BICD1: variants seen among roughly 807,000 people sequenced by gnomAD.
BICD1 encodes protein bicaudal D homolog 1.
A neutral mutation model predicts 92.5 loss-of-function variants in BICD1; 35 were observed. The observed-to-expected ratio is 0.38, with a 90% CI of 0.29 to 0.50. BICD1 has a LOEUF of 0.50. Ranked by LOEUF, BICD1 falls within the 20% of genes least tolerant of loss-of-function variation. BICD1 has a pLI of 0.93. For synonymous variants in BICD1, 429 were observed against 465.1 expected, an observed-to-expected ratio of 0.92 and a Z score of 1.00; for missense variants, 950 against 1,189.8, an observed-to-expected ratio of 0.80 and a Z score of 2.97.
At chr12:32,152,318 A>G (rs60310363) in intron 1 of BICD1, among the ~76,000 whole-genome samples, 2 of 150,946 alleles carry the variant, frequency 1.3e-5, no homozygotes, top group South Asian at 4.2e-4. Context: ...GCATGATCAT[A>G]GCTCACTTTA....
chr12:32,317,338 T>G (rs1948531781), intron 4 of BICD1, among the ~76,000 whole-genome samples: 1 of 152,226 alleles, frequency 6.6e-6, no homozygotes, highest in African/African-American at 2.4e-5. Flanking sequence ...GTAAAAGTGT[T>G]CCTATTTCTC....
At chr12:32,302,125 A>C (rs1948068955) in intron 3 of BICD1, among the ~76,000 whole-genome samples, 1 of 152,088 alleles carries the variant, frequency 6.6e-6, no homozygotes, top group Non-Finnish European at 1.5e-5. Context: ...TGACCTCGTG[A>C]TCCGCCCGCC....
At chr12:32,252,050 AATATTAT>A (rs1160264612) in intron 2 of BICD1, among the ~76,000 whole-genome samples, 90 of 82,458 alleles carry the variant, frequency 1.1e-3, no homozygotes, top group African/African-American at 2.6e-3. Flanking sequence ...ATTTATAATA[AATATTAT>A]ATATTATATA....
At chr12:32,244,128 T>A (rs1946310367) in intron 2 of BICD1, among the ~76,000 whole-genome samples, 1 of 149,754 alleles carries the variant, frequency 6.7e-6, no homozygotes, top group South Asian at 2.1e-4. Context: ...TTTTCTGAAA[T>A]GAAATATGGA....
chr12:32,161,770 T>C (rs911666086), intron 1 of BICD1, among the ~76,000 whole-genome samples: 4 of 152,188 alleles, frequency 2.6e-5, no homozygotes, highest in African/African-American at 9.7e-5. Context: ...CAGGGAAGTA[T>C]ATATTTTACT....
Position 32,132,523 on chromosome 12 carries a change from G to C in BICD1, c.213+24979G>C, listed in dbSNP as rs188718565. On this transcript the variant is annotated intron_variant, in intron 1 of 9. Coordinates refer to ENST00000652176, the MANE Select transcript of BICD1 (RefSeq NM_001714.4). Reference sequence around the variant, plus strand: ...CCTTTGCGGCTCGGAACTGTGCTGTGCACTGTGGGACTGTGTGGCTCAATG... The same window carrying C: ...CCTTTGCGGCTCGGAACTGTGCTGTCCACTGTGGGACTGTGTGGCTCAATG... Among the ~76,000 whole-genome samples, 22 of 152,220 alleles carry C rather than the reference G, an allele frequency of 1.4e-4. No individual in the cohort carries two copies. In the East Asian group the frequency reaches 3.3e-3, roughly 23 times the overall value.
intron 2 of BICD1, among the ~76,000 whole-genome samples, chr12:32,243,829 G>C (rs1309484729): frequency 1.3e-5 from 2 of 151,938 alleles, no homozygotes; most frequent in Non-Finnish European, 2.9e-5. Context: ...ACCTGTTTTC[G>C]TGGCTTTTAT....
chr12:32,249,919 TA>T lies in BICD1; in HGVS notation c.426+33463del, dbSNP rs2136102003. ...AAAGGAAATAAAAGGGATTTGATCA[TA>T]AATGCTTCTGGGGTTGGCATACCAG... On this transcript the variant is annotated intron_variant, in intron 2 of 9. Transcript: ENST00000652176. Among the ~76,000 whole-genome samples, 3 of 151,680 alleles carry T rather than the reference TA, an allele frequency of 2.0e-5. No individual in the cohort carries two copies. The Admixed American group carries it at 2.0e-4, about 10-fold the overall frequency.
chr12:32,125,098 C>T (rs1684123), intron 1 of BICD1, among the ~76,000 whole-genome samples: 105,413 of 151,892 alleles, frequency 0.69, 37,150 homozygotes, highest in Middle Eastern at 0.81. Context: ...CTAACTCCTA[C>T]TGTGACCAGG....
intron 9 of BICD1, among the ~76,000 whole-genome samples, chr12:32,375,061 G>A (rs559823517): frequency 1.5e-4 from 22 of 150,894 alleles, no homozygotes; most frequent in East Asian, 6.0e-4. Context: ...TGGGACTACA[G>A]GCGCCCGCCA....
At chr12:32,139,795 C>T (rs1942848244) in intron 1 of BICD1, among the ~76,000 whole-genome samples, 1 of 152,134 alleles carries the variant, frequency 6.6e-6, no homozygotes, top group South Asian at 2.1e-4. Flanking sequence ...CCCCTGACCT[C>T]GCGATCCGCC....
chr12:32,243,264 A>ATTTTTT (rs71068310), intron 2 of BICD1, among the ~76,000 whole-genome samples: 1,055 of 73,976 alleles, frequency 0.014, 56 homozygotes, highest in African/African-American at 0.038. Flanking sequence ...TGCCTGGCTA[A>ATTTTTT]TTTTTTTTTT....
intron 2 of BICD1, among the ~76,000 whole-genome samples, chr12:32,282,951 A>G (rs1221120576): frequency 1.3e-5 from 2 of 152,226 alleles, no homozygotes; most frequent in Non-Finnish European, 2.9e-5. Flanking sequence ...TGACCGTAGA[A>G]GTGGAAATAT....
intron 1 of BICD1, among the ~76,000 whole-genome samples, chr12:32,173,057 G>GT (rs199900687): frequency 0.11 from 15,402 of 143,084 alleles, 1,092 homozygotes; most frequent in Middle Eastern, 0.24. Context: ...TTTTTTTTTT[G>GT]TTTTTTTTGG....
chr12:32,221,077 C>G (rs1438002559), intron 2 of BICD1, among the ~76,000 whole-genome samples: 2 of 123,070 alleles, frequency 1.6e-5, no homozygotes, highest in Non-Finnish European at 3.2e-5. Context: ...GGGAACATCA[C>G]ACTCTGGGGA....
At chr12:32,335,776 G>A (rs1938093069) in intron 6 of BICD1, among the ~76,000 whole-genome samples, 1 of 151,256 alleles carries the variant, frequency 6.6e-6, no homozygotes, top group Admixed American at 6.6e-5. Flanking sequence ...GTGGAGGCAG[G>A]GTCTCGCCAT....
At chr12:32,122,940 C>G (rs545189958) in intron 1 of BICD1, among the ~76,000 whole-genome samples, 3 of 152,206 alleles carry the variant, frequency 2.0e-5, no homozygotes, top group African/African-American at 7.2e-5. Context: ...ATGGTTCATT[C>G]ATTCATTCCT....
chr12:32,368,568 G>A lies in BICD1; in HGVS notation c.2840+823G>A, dbSNP rs565077448. ...AAATTAGCTGGGTGTGGTGGCACAT[G>A]CCTCTAATCCCACCTACTCAGGAGG... is the stretch of plus-strand genomic sequence containing the variant. On this transcript the variant is annotated intron_variant, in intron 9 of 9. Transcript: ENST00000652176. Among the ~76,000 whole-genome samples, 156 of 151,810 alleles carry A rather than the reference G, an allele frequency of 1.0e-3. 1 individual carries two copies. The highest frequency in any genetic ancestry group is 3.7e-3 in the African/African-American group (153 of 41,368).
At chr12:32,363,997 T>TCATCAC (rs57082753) in intron 8 of BICD1, among the ~76,000 whole-genome samples, 4 of 151,228 alleles carry the variant, frequency 2.6e-5, no homozygotes, top group Admixed American at 2.6e-4. Flanking sequence ...GATGCTGTCA[T>TCATCAC]CATCACCATC....
Sources: allele counts gnomAD v4.1 joint callset (sites outside exome capture counted in the v4.1 genomes callset), GRCh38; gene constraint gnomAD v4.1.1; transcripts MANE v1.5; gene names NCBI Gene and HGNC (gene_info 2026-07-23, HGNC 2026-07-21).